TFEC: variants seen among roughly 807,000 people sequenced by gnomAD.
The protein encoded by TFEC is transcription factor EC.
A neutral mutation model predicts 41.6 loss-of-function variants in TFEC; 31 were observed. The ratio of observed to expected loss-of-function variants is 0.74; its 90% CI spans 0.56 to 1.01. The LOEUF (loss-of-function observed/expected upper bound fraction) is 1.01, where lower values mean the gene tolerates loss of function less well. Ranked by LOEUF, TFEC falls within the 50% of genes least tolerant of loss-of-function variation. The pLI is 0.00. For missense variants in TFEC, 402 were observed against 404.1 expected (o/e 0.99, Z 0.04); for synonymous variants, 143 against 140.6 (o/e 1.02, Z -0.12).
At chr7:115,978,130 G>T (rs1291482491) in intron 2 of TFEC, among the ~76,000 whole-genome samples, 2 of 151,936 alleles carry the variant, frequency 1.3e-5, no homozygotes, top group East Asian at 1.9e-4. Context: ...TTTTTAAAAG[G>T]TTTTGTAATA....
chr7:116,060,778 T>C (rs576292528), intron 3 of TFEC, among the ~76,000 whole-genome samples: 100 of 152,056 alleles, frequency 6.6e-4, no homozygotes, highest in African/African-American at 2.4e-3. Flanking sequence ...AATACTTGAG[T>C]GATGAAATAA....
chr7:116,124,162 C>A (rs1798164384), intron 1 of TFEC, among the ~76,000 whole-genome samples: 1 of 151,938 alleles, frequency 6.6e-6, no homozygotes, highest in Non-Finnish European at 1.5e-5. Context: ...TGCCAGGATA[C>A]ATTTAAACAT....
In TFEC at chr7:116,045,539, G is replaced by A. The variant is rs186102138; in HGVS notation, c.199-61026C>T. Among the ~76,000 whole-genome samples, 87 of 152,282 alleles carry A rather than the reference G, an allele frequency of 5.7e-4. No homozygotes were observed. In the East Asian group the frequency reaches 0.012, roughly 21 times the overall value. ...CGTGTACATAGAAGTCAGAAATTGA[G>A]GTTTGGGAACCTCTGCCTAGATTTC... On this transcript the variant is annotated intron_variant, in intron 3 of 8. Coordinates refer to the TFEC transcript ENST00000484212.
intron 1 of TFEC, among the ~76,000 whole-genome samples, chr7:116,008,869 A>T (rs977268604): frequency 2.0e-5 from 3 of 152,160 alleles, no homozygotes; most frequent in African/African-American, 7.2e-5. Flanking sequence ...ATATAATCCA[A>T]AGCTATTTAA....
At chr7:116,092,645 A>G (rs561014493) in intron 3 of TFEC, among the ~76,000 whole-genome samples, 1 of 152,280 alleles carries the variant, frequency 6.6e-6, no homozygotes, top group Non-Finnish European at 1.5e-5. Context: ...ACAGACTTAA[A>G]ATCAGGCTAT....
intron 1 of TFEC, among the ~76,000 whole-genome samples, chr7:116,006,437 A>G (rs1228510398): frequency 6.6e-6 from 1 of 152,148 alleles, no homozygotes; most frequent in Non-Finnish European, 1.5e-5. Context: ...TTGGAAATTT[A>G]AGATTTGACT....
At chr7:116,077,088 C>G (rs779355898) in intron 3 of TFEC, among the ~76,000 whole-genome samples, 11 of 152,158 alleles carry the variant, frequency 7.2e-5, no homozygotes, top group Non-Finnish European at 1.5e-4. Context: ...TCAGCAGAAA[C>G]TCTACAAACT....
chr7:116,064,369 A>G (rs1362236271), intron 3 of TFEC, among the ~76,000 whole-genome samples: 1 of 150,802 alleles, frequency 6.6e-6, no homozygotes, highest in Non-Finnish European at 1.5e-5. Flanking sequence ...TTTATTTGTC[A>G]ATAAAATAAA....
In TFEC at chr7:116,063,874, T is replaced by C. The variant is rs536340956; in HGVS notation, c.198+46834A>G. Among the ~76,000 whole-genome samples the C allele has an allele frequency of 6.2e-4, 94 of 152,344 alleles. 1 individual carries two copies. Among genetic ancestry groups the C allele is most frequent in the African/African-American group, 2.1e-3 (89 of 41,582 alleles). ...TGGACACTTAGGTTGATTTCATTCT[T>C]GGCTATTTTGTATAACGCTACAATG... On this transcript the variant is annotated intron_variant, in intron 3 of 8. Coordinates refer to the TFEC transcript ENST00000484212.
rs548376789 is a variant in TFEC, at chr7:116,026,988, C to T, written c.-73+3645G>A. Among the ~76,000 whole-genome samples the T allele has an allele frequency of 3.9e-5, 6 of 152,292 alleles. 1 individual carries two copies. Among genetic ancestry groups the T allele is most frequent in the African/African-American group, 1.4e-4 (6 of 41,562 alleles). On this transcript the variant is annotated intron_variant, in intron 1 of 7. Coordinates refer to ENST00000265440, the MANE Select transcript of TFEC (RefSeq NM_012252.4). ...AATTAAGAAGAAGCCTAGAATTTTA[C>T]CAGAATTTAAAGGCTGGGGGTGAAA...
chr7:115,984,008 A>G (rs1793739700), intron 2 of TFEC, among the ~76,000 whole-genome samples: 2 of 152,268 alleles, frequency 1.3e-5, no homozygotes, highest in African/African-American at 2.4e-5. Flanking sequence ...CTAAACACAT[A>G]CCACTATTAG....
chr7:116,152,873 G>A (rs1219101486), intron 1 of TFEC, among the ~76,000 whole-genome samples: 1 of 152,120 alleles, frequency 6.6e-6, no homozygotes, highest in Admixed American at 6.5e-5. Flanking sequence ...CAAGAAATTA[G>A]GAAAATATGA....
chr7:116,118,078 T>C (rs1798030066), intron 1 of TFEC, among the ~76,000 whole-genome samples: 1 of 151,802 alleles, frequency 6.6e-6, no homozygotes, highest in Non-Finnish European at 1.5e-5. Flanking sequence ...GATCAACTGA[T>C]TTTTATTTTT....
intron 3 of TFEC, among the ~76,000 whole-genome samples, chr7:116,085,048 A>G (rs1797171477): frequency 6.6e-6 from 1 of 151,886 alleles, no homozygotes; most frequent in Admixed American, 6.6e-5. Context: ...GAGAAAACGT[A>G]TAGGACCATC....
At chr7:116,145,001 T>G (rs569303671) in intron 1 of TFEC, among the ~76,000 whole-genome samples, 2 of 152,164 alleles carry the variant, frequency 1.3e-5, no homozygotes, top group Non-Finnish European at 2.9e-5. Context: ...CTGACTAATA[T>G]AGACTATATT....
intron 3 of TFEC, among the ~76,000 whole-genome samples, chr7:116,101,735 A>G (rs1294529031): frequency 1.3e-5 from 2 of 152,220 alleles, no homozygotes; most frequent in African/African-American, 4.8e-5. Flanking sequence ...AAATTATTAA[A>G]AGGCATTAAG....
At chr7:115,999,781 G>A (rs1033089572) in intron 1 of TFEC, among the ~76,000 whole-genome samples, 3 of 135,104 alleles carry the variant, frequency 2.2e-5, no homozygotes, top group Non-Finnish European at 3.1e-5. Context: ...ATTGAACCAC[G>A]AAGAAATCCA....
intron 6 of TFEC, among the ~76,000 whole-genome samples, chr7:115,947,379 T>A (rs1418952321): frequency 6.6e-6 from 1 of 151,246 alleles, no homozygotes. Flanking sequence ...GCAATAAACA[T>A]ACGTGTGCAT....
At chr7:116,135,245 G>A (rs779122314) in intron 1 of TFEC, among the ~76,000 whole-genome samples, 5 of 152,042 alleles carry the variant, frequency 3.3e-5, no homozygotes, top group Non-Finnish European at 5.9e-5. Context: ...AAGCTCCACC[G>A]TTTCACTGTA....
Sources: allele counts gnomAD v4.1 joint callset (sites outside exome capture counted in the v4.1 genomes callset), GRCh38; gene constraint gnomAD v4.1.1; transcripts MANE v1.5; gene names NCBI Gene and HGNC (gene_info 2026-07-23, HGNC 2026-07-21).